Variants in ZBTB20 observed in about 807,000 individuals in gnomAD.
The protein encoded by ZBTB20 is zinc finger and BTB domain-containing protein 20.
Under a neutral mutation model 56.9 loss-of-function variants are expected in ZBTB20, and 9 were observed. The ratio of observed to expected loss-of-function variants is 0.16; its 90% CI spans 0.10 to 0.28. ZBTB20 has a LOEUF of 0.28. Ranked by LOEUF, ZBTB20 falls within the 10% of genes least tolerant of loss-of-function variation. ZBTB20 has a pLI of 1.00. For synonymous variants in ZBTB20, 417 were observed against 420.7 expected (o/e 0.99, Z 0.11); for missense variants, 655 against 1,003.0 (o/e 0.65, Z 4.69).
At position 114,653,757 on chromosome 3, in the gene ZBTB20, C is replaced by CT. The variant is rs201347549; in HGVS notation, c.-295+39770dup. Reference sequence around the variant, plus strand: ...AGGGAAACTATCTAAACCTGAAGTTCTTTTTTTAGGAATGCTTTTGACGAC... The same window carrying CT: ...AGGGAAACTATCTAAACCTGAAGTTCTTTTTTTTAGGAATGCTTTTGACGAC... On this transcript the variant is annotated intron_variant, in intron 6 of 11. Coordinates refer to ENST00000675478, the MANE Select transcript of ZBTB20 (RefSeq NM_001348800.3). Among the ~76,000 whole-genome samples, 893 of 151,826 alleles carry CT rather than the reference C, an allele frequency of 5.9e-3. 17 individuals carry two copies. Among genetic ancestry groups the CT allele is most frequent in the African/African-American group, 0.02 (843 of 41,494 alleles).
At chr3:115,134,572 C>T (rs745484542) in intron 1 of ZBTB20, among the ~76,000 whole-genome samples, 5 of 151,730 alleles carry the variant, frequency 3.3e-5, no homozygotes, top group Admixed American at 1.3e-4. Context: ...ATTCATATTT[C>T]GACAGTGACT....
rs901019482 is a variant in ZBTB20 at position 114,414,803 on chromosome 3, AATT to A, written c.-254-25701_-254-25699del. On this transcript the variant is annotated intron_variant, in intron 7 of 11. Transcript: ENST00000675478. ...ATAAAATACTATATATTTTATATAA[AATT>A]ATTATATATGTTTACATGTGAATAG... Among the ~76,000 whole-genome samples the A allele has an allele frequency of 4.7e-5, 7 of 149,130 alleles. 1 individual carries two copies. Among genetic ancestry groups the A allele is most frequent in the Admixed American group, 3.4e-4 (5 of 14,866 alleles).
At chr3:114,865,655 T>C (rs1365919212) in intron 4 of ZBTB20, among the ~76,000 whole-genome samples, 1 of 152,190 alleles carries the variant, frequency 6.6e-6, no homozygotes, top group Non-Finnish European at 1.5e-5. Context: ...AGCCATGCTA[T>C]CTGTAACATT....
At chr3:114,711,591 C>A (rs2064086926) in intron 5 of ZBTB20, among the ~76,000 whole-genome samples, 2 of 152,138 alleles carry the variant, frequency 1.3e-5, no homozygotes, top group Admixed American at 6.5e-5. Flanking sequence ...AAAATAGTAT[C>A]TCTGAGTTTA....
At chr3:114,922,618 GT>G (rs146614783) in intron 3 of ZBTB20, among the ~76,000 whole-genome samples, 7 of 152,138 alleles carry the variant, frequency 4.6e-5, no homozygotes, top group African/African-American at 1.7e-4. Context: ...AAGAGAAAAA[GT>G]TTTTTTGGCT....
intron 1 of ZBTB20, among the ~76,000 whole-genome samples, chr3:115,087,110 G>A (rs1179671812): frequency 1.3e-5 from 2 of 151,740 alleles, no homozygotes; most frequent in Non-Finnish European, 2.9e-5. Context: ...ATTCTGATTC[G>A]TATTTCTACC....
intron 6 of ZBTB20, among the ~76,000 whole-genome samples, chr3:114,597,419 A>C (rs1455687461): frequency 6.6e-6 from 1 of 152,188 alleles, no homozygotes; most frequent in Non-Finnish European, 1.5e-5. Context: ...AACGTAAAGG[A>C]AGCTTTTTTA....
intron 5 of ZBTB20, among the ~76,000 whole-genome samples, chr3:114,790,050 T>A (rs932290178): frequency 6.6e-6 from 1 of 152,042 alleles, no homozygotes; most frequent in Non-Finnish European, 1.5e-5. Flanking sequence ...CAAGAACTAG[T>A]ACCAACTACA....
chr3:115,142,659 CAAA>C (rs535455119), intron 1 of ZBTB20, among the ~76,000 whole-genome samples: 13 of 107,778 alleles, frequency 1.2e-4, no homozygotes, highest in Admixed American at 1.9e-4. Flanking sequence ...AAGACTCCAT[CAAA>C]AAAAAAAAAA....
At chr3:114,568,570 G>A (rs547341139) in intron 6 of ZBTB20, among the ~76,000 whole-genome samples, 2 of 152,294 alleles carry the variant, frequency 1.3e-5, no homozygotes, top group South Asian at 4.1e-4. Context: ...TTCCTGGTAT[G>A]CCAGTTTAAC....
chr3:114,724,052 T>G (rs1234952693), intron 5 of ZBTB20, among the ~76,000 whole-genome samples: 2 of 151,812 alleles, frequency 1.3e-5, no homozygotes, highest in Non-Finnish European at 2.9e-5. Flanking sequence ...TTTTTGTATT[T>G]TTAGTAGAGA....
At chr3:114,666,298 T>A (rs538759927) in intron 6 of ZBTB20, among the ~76,000 whole-genome samples, 7 of 152,054 alleles carry the variant, frequency 4.6e-5, no homozygotes, top group African/African-American at 7.2e-5. Flanking sequence ...TTTCCTTGCC[T>A]CAGTAGAAAT....
At chr3:114,796,372 TA>T (rs1489530923) in intron 5 of ZBTB20, among the ~76,000 whole-genome samples, 2 of 152,108 alleles carry the variant, frequency 1.3e-5, no homozygotes, top group East Asian at 3.9e-4. Flanking sequence ...AGGTGACAAT[TA>T]ACTAAGAAAT....
At chr3:114,879,231 C>T (rs1187799527) in intron 4 of ZBTB20, among the ~76,000 whole-genome samples, 1 of 152,170 alleles carries the variant, frequency 6.6e-6, no homozygotes, top group Non-Finnish European at 1.5e-5. Flanking sequence ...AAACAGATTG[C>T]ACAATCTCAA....
At position 114,945,593 on chromosome 3, in the gene ZBTB20, G is replaced by T. The variant is rs2076857495; in HGVS notation, c.-456+28773C>A. 2.1e-5 allele frequency among the ~76,000 whole-genome samples: 3 copies of T among 144,726 alleles called. 1 individual carries two copies. In the South Asian group the frequency reaches 6.4e-4, roughly 31 times the overall value. The allele number at this position is 144,726 out of a possible 152,430, so 94.9% of individuals were successfully genotyped here. A position where few individuals can be genotyped will look rare whatever the true frequency, so the allele number is the denominator to read the frequency against. ...AAAGAGGGGCAAATGAAATAACAAG[G>T]TTGATTAATAAAAAAAGTTAAGACA... On this transcript the variant is annotated intron_variant, in intron 3 of 11. Coordinates refer to ENST00000675478, the MANE Select transcript of ZBTB20 (RefSeq NM_001348800.3).
chr3:114,444,130 T>C (rs2091109973), intron 7 of ZBTB20, among the ~76,000 whole-genome samples: 2 of 152,184 alleles, frequency 1.3e-5, no homozygotes, highest in South Asian at 2.1e-4. Context: ...GAATCATCAA[T>C]GTCTCATTAG....
intron 3 of ZBTB20, among the ~76,000 whole-genome samples, chr3:114,926,253 AACTC>A (rs35703901): frequency 0.26 from 40,044 of 151,908 alleles, 5,462 homozygotes; most frequent in Middle Eastern, 0.34. Context: ...AGAAATGTGA[AACTC>A]ACTTCATCTC....
At chr3:114,832,670 A>C (rs2073917185) in intron 4 of ZBTB20, among the ~76,000 whole-genome samples, 1 of 152,140 alleles carries the variant, frequency 6.6e-6, no homozygotes, top group African/African-American at 2.4e-5. Context: ...CTAGGCTCAA[A>C]GTCAATATGT....
chr3:114,395,445 T>C (rs2086252336), intron 7 of ZBTB20, among the ~76,000 whole-genome samples: 1 of 152,150 alleles, frequency 6.6e-6, no homozygotes, highest in South Asian at 2.1e-4. Context: ...AAAACTCTAA[T>C]AGTCCCCTGA....
Sources: gnomAD v4.1 joint callset for allele counts (sites outside exome capture counted in the v4.1 genomes callset) on GRCh38, gnomAD v4.1.1 for gene constraint, MANE v1.5 for transcripts, NCBI Gene and HGNC (gene_info 2026-07-23, HGNC 2026-07-21) for gene names.